MAGI2: variants seen among roughly 807,000 people sequenced by gnomAD.
MAGI2 encodes membrane-associated guanylate kinase, WW and PDZ domain-containing protein 2.
MAGI2 carries 35 observed loss-of-function variants against 133.3 expected under a neutral mutation model. The observed-to-expected ratio is 0.26, with a 90% CI of 0.20 to 0.35. MAGI2 has a LOEUF of 0.35. Ranked by LOEUF, MAGI2 falls within the 10% of genes least tolerant of loss-of-function variation. The probability of loss-of-function intolerance (pLI) is 1.00; values close to 1 mark genes in which losing one functional copy is unlikely to be tolerated. For synonymous variants in MAGI2, 729 were observed against 710.6 expected, an observed-to-expected ratio of 1.03 and a Z score of -0.41; for missense variants, 1,636 against 1,863.4, an observed-to-expected ratio of 0.88 and a Z score of 2.25.
At chr7:79,390,740 A>C (rs1844541290) in intron 1 of MAGI2, among the ~76,000 whole-genome samples, 1 of 152,240 alleles carries the variant, frequency 6.6e-6, no homozygotes, top group Admixed American at 6.5e-5. Context: ...GATTTTATGA[A>C]CTCAAGTCAT....
intron 20 of MAGI2, among the ~76,000 whole-genome samples, chr7:78,109,392 G>A (rs1819117329): frequency 6.7e-6 from 1 of 148,914 alleles, no homozygotes; most frequent in Admixed American, 6.7e-5. Context: ...CAGCACTTTG[G>A]GAGGCCAAGG....
intron 1 of MAGI2, chr7:79,177,322 A>C (rs1053900608): frequency 1.3e-5 from 2 of 152,054 alleles, no homozygotes; most frequent in African/African-American, 4.8e-5. Context: ...GAAAATACAC[A>C]CATGAATGCA....
intron 9 of MAGI2, among the ~76,000 whole-genome samples, chr7:78,284,407 C>T (rs1795937955): frequency 6.6e-6 from 1 of 151,654 alleles, no homozygotes; most frequent in Admixed American, 6.6e-5. Flanking sequence ...GCTTCACCTA[C>T]CCTAATTGGT....
chr7:79,012,551 C>T (rs541039170), intron 1 of MAGI2, among the ~76,000 whole-genome samples: 3 of 152,238 alleles, frequency 2.0e-5, no homozygotes, highest in Non-Finnish European at 2.9e-5. Context: ...TCTTCTTCCA[C>T]GTCTAAAGCA....
At chr7:78,704,664 A>T (rs533420998) in intron 2 of MAGI2, among the ~76,000 whole-genome samples, 2 of 152,230 alleles carry the variant, frequency 1.3e-5, no homozygotes, top group African/African-American at 2.4e-5. Context: ...GCCCATTAAC[A>T]GTAAACTGGA....
chr7:78,169,186 C>A lies in MAGI2; in HGVS notation c.2404-1078G>T, dbSNP rs141053754. On this transcript the variant is annotated intron_variant, in intron 14 of 21. Coordinates refer to ENST00000354212, the MANE Select transcript of MAGI2 (RefSeq NM_012301.4). ...TAGTGTGCATTAGCAGGGCTTTTTTCTTTCTCAGAGGAAAGAAAATAGTAT... is the reference window on the plus strand; with the variant it reads ...TAGTGTGCATTAGCAGGGCTTTTTTATTTCTCAGAGGAAAGAAAATAGTAT... Among the ~76,000 whole-genome samples the A allele has an allele frequency of 6.8e-3, 1,029 of 152,306 alleles. 10 individuals carry two copies. Among genetic ancestry groups the A allele is most frequent in the African/African-American group, 0.023 (974 of 41,568 alleles).
At chr7:78,654,878 C>A (rs978151262) in intron 2 of MAGI2, among the ~76,000 whole-genome samples, 2 of 151,370 alleles carry the variant, frequency 1.3e-5, no homozygotes, top group Non-Finnish European at 2.9e-5. Flanking sequence ...CACATAAATA[C>A]CAAGTGTGCT....
intron 2 of MAGI2, among the ~76,000 whole-genome samples, chr7:78,929,106 A>G (rs1040857530): frequency 6.6e-6 from 1 of 152,174 alleles, no homozygotes; most frequent in Non-Finnish European, 1.5e-5. Context: ...CTAATGCTAA[A>G]ACATAAAATG....
chr7:78,185,684 T>C lies in MAGI2; in HGVS notation c.2270-14A>G, dbSNP rs774201320. The C allele has an allele frequency of 1.3e-6, 2 of 1,558,622 alleles. No individual in the cohort carries two copies. The highest frequency in any genetic ancestry group is 1.7e-6 in the Non-Finnish European group (2 of 1,144,354). ...GTGGCACTTGTTCTGGATGGGAAAATGGGGAATTAAAGTTGAAATTCATTT... is the reference window on the plus strand; with the variant it reads ...GTGGCACTTGTTCTGGATGGGAAAACGGGGAATTAAAGTTGAAATTCATTT... On this transcript the variant is annotated splice_polypyrimidine_tract_variant and intron_variant, in intron 12 of 21. Coordinates refer to ENST00000354212, the MANE Select transcript of MAGI2 (RefSeq NM_012301.4).
intron 2 of MAGI2, among the ~76,000 whole-genome samples, chr7:78,787,010 C>A (rs149477276): frequency 6.6e-6 from 1 of 151,352 alleles, no homozygotes; most frequent in African/African-American, 2.4e-5. Flanking sequence ...AGTGTAGTGG[C>A]GCGATCTCGG....
intron 1 of MAGI2, among the ~76,000 whole-genome samples, chr7:79,242,398 A>G (rs992352639): frequency 1.3e-5 from 2 of 152,166 alleles, no homozygotes; most frequent in African/African-American, 4.8e-5. Context: ...TGATCAACAT[A>G]TTCTTCTCTT....
chr7:78,283,465 G>T (rs1795833453), intron 9 of MAGI2, among the ~76,000 whole-genome samples: 1 of 151,872 alleles, frequency 6.6e-6, no homozygotes, highest in African/African-American at 2.4e-5. Context: ...TTATTAACCT[G>T]AATAAGTAAA....
chr7:78,369,291 T>C (rs1793689937), intron 6 of MAGI2, 78 bp from the exon 7 acceptor site: 1 of 1,036,938 alleles, frequency 9.6e-7, no homozygotes, highest in African/African-American at 1.6e-5. Context: ...TAATTGTTCA[T>C]GGATTGCAGA....
intron 2 of MAGI2, among the ~76,000 whole-genome samples, chr7:78,966,014 A>G (rs1351342782): frequency 6.6e-6 from 1 of 152,076 alleles, no homozygotes; most frequent in Non-Finnish European, 1.5e-5. Context: ...TCTACAGAGA[A>G]TAATAGAGTA....
intron 3 of MAGI2, among the ~76,000 whole-genome samples, chr7:78,531,799 G>A (rs573912595): frequency 1.6e-4 from 25 of 152,166 alleles, no homozygotes; most frequent in Middle Eastern, 6.8e-3. Flanking sequence ...ATAAAATTGC[G>A]AAGAAATTAG....
intron 2 of MAGI2, among the ~76,000 whole-genome samples, chr7:78,798,276 T>C (rs564560227): frequency 2.6e-5 from 4 of 152,268 alleles, no homozygotes; most frequent in African/African-American, 9.6e-5. Flanking sequence ...GGTTCAATTA[T>C]CCAATTTTGT....
intron 2 of MAGI2, among the ~76,000 whole-genome samples, chr7:78,822,979 A>G (rs1358258803): frequency 6.6e-6 from 1 of 152,234 alleles, no homozygotes; most frequent in Non-Finnish European, 1.5e-5. Context: ...TGAATAACTT[A>G]CTGAAGAGCC....
intron 2 of MAGI2, among the ~76,000 whole-genome samples, chr7:78,966,293 T>C (rs989014744): frequency 3.9e-5 from 6 of 152,118 alleles, no homozygotes; most frequent in African/African-American, 1.2e-4. Flanking sequence ...TTATTCATCT[T>C]GCCTAACTGA....
chr7:78,386,306 G>T (rs1583827548), intron 6 of MAGI2, among the ~76,000 whole-genome samples: 4 of 152,252 alleles, frequency 2.6e-5, no homozygotes, highest in Admixed American at 2.6e-4. Flanking sequence ...TTAACAGCAT[G>T]CATCGCATTA....
Sources: gnomAD v4.1 joint callset for allele counts (sites outside exome capture counted in the v4.1 genomes callset) on GRCh38, gnomAD v4.1.1 for gene constraint, MANE v1.5 for transcripts, NCBI Gene and HGNC (gene_info 2026-07-23, HGNC 2026-07-21) for gene names.